Variants in PI4KB observed in about 807,000 individuals in gnomAD.
The protein encoded by PI4KB is PtdIns 4-kinase beta.
A neutral mutation model predicts 81.4 loss-of-function variants in PI4KB; 23 were observed. The ratio of observed to expected loss-of-function variants is 0.28; its 90% CI spans 0.20 to 0.40. The LOEUF (loss-of-function observed/expected upper bound fraction) is 0.40. Ranked by LOEUF, PI4KB falls within the 10% of genes least tolerant of loss-of-function variation. The pLI, the probability that PI4KB is intolerant of heterozygous loss-of-function variation, is 1.00. For missense variants in PI4KB, 651 were observed against 1,036.6 expected, an observed-to-expected ratio of 0.63 and a Z score of 5.11; for synonymous variants, 381 against 406.8, an observed-to-expected ratio of 0.94 and a Z score of 0.76.
rs1348370223 is a variant in PI4KB, at chr1:151,299,035, C to T, written c.1788G>A (p.Lys596=). 6.2e-7 allele frequency: 1 copy of T among 1,614,150 alleles called. No individual in the cohort carries two copies. Among genetic ancestry groups the T allele is most frequent in the Non-Finnish European group, 8.5e-7 (1 of 1,179,994 alleles). Residue 596 remains lysine (K), a synonymous_variant, in exon 9 of 12, where the codon AAG becomes AAA. Coordinates refer to ENST00000368873, the MANE Select transcript of PI4KB (RefSeq NM_001369623.2). ...CCGAAATCACAAGAATCTTGTATGGCTTGATCCAAAGGGGCACTCGCTCCT... is the reference window on the plus strand; with the variant it reads ...CCGAAATCACAAGAATCTTGTATGGTTTGATCCAAAGGGGCACTCGCTCCT... ...WEQERVPLWI[K]PYKILVISAD...
intron 1 of PI4KB, among the ~76,000 whole-genome samples, chr1:151,319,504 T>A (rs189482948): frequency 6.6e-6 from 1 of 152,120 alleles, no homozygotes; most frequent in South Asian, 2.1e-4. Context: ...GGAGGGACAA[T>A]TGAAAAGGCA....
chr1:151,297,347 ATTTT>A (rs1234220289), intron 9 of PI4KB, among the ~76,000 whole-genome samples: 8 of 133,372 alleles, frequency 6.0e-5, no homozygotes, highest in African/African-American at 1.7e-4. Context: ...TGTTGGCTAG[ATTTT>A]TTTTTTTTTT....
chr1:151,318,892 G>A (rs1648429933), intron 1 of PI4KB, among the ~76,000 whole-genome samples: 1 of 152,150 alleles, frequency 6.6e-6, no homozygotes, highest in Admixed American at 6.5e-5. Context: ...CAACCCTGCT[G>A]AAGCTGTGCC....
chr1:151,312,681 G>C (rs1444942701), intron 2 of PI4KB, among the ~76,000 whole-genome samples: 1 of 152,154 alleles, frequency 6.6e-6, no homozygotes, highest in Non-Finnish European at 1.5e-5. Context: ...CAATTCCTTT[G>C]GTATTTAGGG....
chr1:151,306,936 G>A (rs587718664), intron 4 of PI4KB, among the ~76,000 whole-genome samples: 2 of 152,316 alleles, frequency 1.3e-5, no homozygotes, highest in East Asian at 3.9e-4. Flanking sequence ...TTAGCCGGGT[G>A]TGGTGGCAGG....
chr1:151,293,312 C>T (rs184504758), intron 11 of PI4KB: 2 of 1,377,418 alleles, frequency 1.5e-6, no homozygotes, highest in Admixed American at 5.1e-5. Flanking sequence ...GCCCAGAGGG[C>T]AGGCTGGGAG....
rs1395082756 is a variant in PI4KB, at chr1:151,315,714, G to A, written c.768C>T (p.Ser256=). 6.2e-7 allele frequency: 1 copy of A among 1,614,140 alleles called. No homozygotes were observed. The highest frequency in any genetic ancestry group is 1.3e-5 in the African/African-American group (1 of 75,048). The change falls in exon 2 of 12, where the codon TCC becomes TCT. Residue 256 remains serine, a synonymous_variant. Transcript: ENST00000368873. ...KPAHRKRELP[S]LSPAPDTGLS... is the part of the protein sequence containing the mutation. ...GCCCTGTGTCAGGGGCCGGGCTCAA[G>A]GAGGGCAGCTCCCTCTTCCTGTGAG...
rs1647984089 is a variant in PI4KB, at chr1:151,316,602, C to T, written c.-28-93G>A. 2.0e-5 allele frequency: 17 copies of T among 833,784 alleles called. No individual in the cohort carries two copies. The East Asian group carries it at 5.2e-4, about 25-fold the overall frequency. The allele number at this position is 833,784 out of a possible 1,614,324, so 51.6% of individuals were successfully genotyped here. A position where few individuals can be genotyped will look rare whatever the true frequency, so the allele number is the denominator to read the frequency against. On this transcript the variant is annotated intron_variant, in intron 1 of 11. Coordinates refer to ENST00000368873, the MANE Select transcript of PI4KB (RefSeq NM_001369623.2). Reference sequence around the variant, plus strand: ...TCCTCAGATCTTCCCTTTGCTATGACACCTTCCCAGGCACCTCCTCTTTTT... The same window carrying T: ...TCCTCAGATCTTCCCTTTGCTATGATACCTTCCCAGGCACCTCCTCTTTTT...
chr1:151,314,254 A>C (rs778204256), intron 2 of PI4KB, among the ~76,000 whole-genome samples: 1 of 152,188 alleles, frequency 6.6e-6, no homozygotes. Flanking sequence ...AGCTATCCGC[A>C]TTTTTCAAAA....
intron 5 of PI4KB, among the ~76,000 whole-genome samples, chr1:151,305,930 C>T (rs1427337852): frequency 6.6e-6 from 1 of 152,194 alleles, no homozygotes; most frequent in Non-Finnish European, 1.5e-5. Context: ...AAATCTGAAT[C>T]CTTCACCTGG....
chr1:151,301,935 A>G lies in PI4KB; in HGVS notation c.1658T>C (p.Leu553Pro). 6.2e-7 allele frequency: 1 copy of G among 1,613,868 alleles called. No homozygotes were observed. Among genetic ancestry groups the G allele is most frequent in the Non-Finnish European group, 8.5e-7 (1 of 1,180,004 alleles). Residue 553 changes from leucine to proline, a missense_variant, in exon 8 of 12, where the codon CTC becomes CCC. Physicochemically the swap from Leu to Pro is moderately conservative, Grantham distance 98. Around this residue, in one of 5 missense-constraint regions of PI4KB, gnomAD observed 246 missense variants for 430.1 expected, o/e 0.57. Transcript: ENST00000368873. ...GACTGACAGGAGCCGCCAATTGGGG[A>G]GATGGCCGTAGGGGGAGCCCTCTCT... ...RIREGSPYGH[L>P]PNWRLLSVIV...
intron 3 of PI4KB, among the ~76,000 whole-genome samples, chr1:151,309,264 C>G (rs1197134233): frequency 6.6e-6 from 1 of 152,134 alleles, no homozygotes; most frequent in African/African-American, 2.4e-5. Flanking sequence ...CTACCCCACC[C>G]AATTCATAAT....
At chr1:151,327,473 G>T (rs1416968561), upstream of PI4KB, 3 of 396,868 alleles carry the variant, frequency 7.6e-6, no homozygotes, top group Admixed American at 4.4e-5. Flanking sequence ...AAGTTCGACC[G>T]GGCCACACAA....
chr1:151,308,395 C>A (rs1471473557), intron 3 of PI4KB, among the ~76,000 whole-genome samples: 1 of 152,190 alleles, frequency 6.6e-6, no homozygotes, highest in African/African-American at 2.4e-5. Flanking sequence ...CGTCAATGCA[C>A]ATGCAGGGGA....
intron 1 of PI4KB, chr1:151,326,403 G>A: frequency 1.9e-6 from 1 of 520,774 alleles, no homozygotes; most frequent in Non-Finnish European, 3.4e-6. Flanking sequence ...GAGATAAAGA[G>A]TGTAACAGAG....
chr1:151,323,453 G>A (rs1649141837), intron 1 of PI4KB, among the ~76,000 whole-genome samples: 2 of 148,104 alleles, frequency 1.4e-5, no homozygotes. Flanking sequence ...GTTGCCGTGA[G>A]CTGAGATCGC....
rs1299140597 is a variant in PI4KB, at chr1:151,306,157, G to A, written c.1389C>T (p.Asp463=). The A allele has an allele frequency of 6.2e-7, 1 of 1,614,006 alleles. No homozygotes were observed. Among genetic ancestry groups the A allele is most frequent in the Admixed American group, 1.7e-5 (1 of 60,006 alleles). The change falls in exon 5 of 12, where the codon GAC becomes GAT. Residue 463 remains aspartate (D), a synonymous_variant. Transcript: ENST00000368873. Reference sequence around the variant, plus strand: ...TCACCTCCACTTGCAGCTCGCCTATGTCATCCACCGACCAGGCCTCATCAT... The same window carrying A: ...TCACCTCCACTTGCAGCTCGCCTATATCATCCACCGACCAGGCCTCATCAT... The part of the protein sequence containing the change: ...DNDDEAWSVD[D]IGELQVELPE...
At chr1:151,308,883 G>A (rs768956724) in intron 3 of PI4KB, among the ~76,000 whole-genome samples, 5 of 152,160 alleles carry the variant, frequency 3.3e-5, no homozygotes, top group Non-Finnish European at 7.3e-5. Context: ...TGGATTGAGA[G>A]AATTTCTATC....
At chr1:151,302,068 G>C (rs1695330813) in intron 7 of PI4KB, 101 bp from the exon 8 acceptor site, 1 of 1,586,016 alleles carries the variant, frequency 6.3e-7, no homozygotes, top group Non-Finnish European at 8.6e-7. Context: ...CATAGGGCAA[G>C]GACCCAGACA....
Sources: allele counts gnomAD v4.1 joint callset (sites outside exome capture counted in the v4.1 genomes callset), GRCh38; gene constraint gnomAD v4.1.1; regional missense constraint gnomAD v4.1.1; transcripts MANE v1.5; gene names NCBI Gene and HGNC (gene_info 2026-07-23, HGNC 2026-07-21).